NRG3: variants seen among roughly 807,000 people sequenced by gnomAD.
The protein encoded by NRG3 is neuregulin 3.
A neutral mutation model predicts 66.9 loss-of-function variants in NRG3; 31 were observed. The ratio of observed to expected loss-of-function variants is 0.46; its 90% CI spans 0.35 to 0.63. The LOEUF (loss-of-function observed/expected upper bound fraction) is 0.63, where lower values mean the gene tolerates loss of function less well. NRG3 is among the 20% of genes least tolerant of loss of function. The pLI is 0.00. For missense variants in NRG3, 910 were observed against 878.9 expected, an observed-to-expected ratio of 1.04 and a Z score of -0.45; for synonymous variants, 393 against 359.4, an observed-to-expected ratio of 1.09 and a Z score of -1.06.
chr10:82,723,307 C>T lies in NRG3; in HGVS notation c.954-15270C>T, dbSNP rs548973669. ...AAATGGCAACAATAGACACTGGGGACTACTGGAGAGGGGAAGGATGGAGAG... is the reference window on the plus strand; with the variant it reads ...AAATGGCAACAATAGACACTGGGGATTACTGGAGAGGGGAAGGATGGAGAG... On this transcript the variant is annotated intron_variant, in intron 2 of 8. Transcript: ENST00000372141. 3.3e-5 allele frequency among the ~76,000 whole-genome samples: 5 copies of T among 152,190 alleles called. No homozygotes were observed. The South Asian group carries it at 1.0e-3, about 32-fold the overall frequency.
intron 2 of NRG3, among the ~76,000 whole-genome samples, chr10:82,362,333 A>ATATGTGTG (rs776684951): frequency 1.5e-5 from 2 of 135,896 alleles, no homozygotes; most frequent in African/African-American, 5.4e-5. Flanking sequence ...GTATATATAT[A>ATATGTGTG]TGTGTGTGTG....
chr10:82,402,372 TA>T (rs1337233328), intron 2 of NRG3, among the ~76,000 whole-genome samples: 1 of 152,156 alleles, frequency 6.6e-6, no homozygotes, highest in East Asian at 1.9e-4. Context: ...GCCTAGTTAG[TA>T]ATCAGAAGGT....
chr10:82,854,861 T>A (rs986445014), intron 3 of NRG3, among the ~76,000 whole-genome samples: 5 of 152,154 alleles, frequency 3.3e-5, no homozygotes, highest in African/African-American at 1.2e-4. Context: ...ATCTTCTCTT[T>A]TCTTAAGTCA....
At chr10:81,895,498 G>A (rs1423794132) in intron 1 of NRG3, among the ~76,000 whole-genome samples, 1 of 152,118 alleles carries the variant, frequency 6.6e-6, no homozygotes, top group Non-Finnish European at 1.5e-5. Flanking sequence ...ATGTTATCTT[G>A]TTTTGTTTCT....
intron 4 of NRG3, among the ~76,000 whole-genome samples, chr10:82,930,698 G>A (rs17107795): frequency 1.3e-5 from 2 of 152,086 alleles, no homozygotes; most frequent in African/African-American, 4.8e-5. Flanking sequence ...CAGCAAAACT[G>A]CCAAGGTGCT....
Position 82,327,147 on chromosome 10 carries a change from A to G in NRG3, c.824-31592A>G, listed in dbSNP as rs372406426. On this transcript the variant is annotated intron_variant, in intron 1 of 8. Transcript: ENST00000372141. ...AACAAGAACAAGAACCAAGGAGAGT[A>G]TTTGATTATTTGGATCCTAGAATCT... 5.9e-5 allele frequency among the ~76,000 whole-genome samples: 9 copies of G among 152,302 alleles called. No individual in the cohort carries two copies. In the South Asian group the frequency reaches 1.0e-3, roughly 18 times the overall value.
rs369182304 is a variant in NRG3 at position 82,691,554 on chromosome 10, T to C, written c.954-47023T>C. Among the ~76,000 whole-genome samples, 73 of 152,322 alleles carry C rather than the reference T, an allele frequency of 4.8e-4. No individual in the cohort carries two copies. The South Asian group carries it at 0.012, about 25-fold the overall frequency. On this transcript the variant is annotated intron_variant, in intron 2 of 8. Transcript: ENST00000372141. ...AGGCCAAGTCTCATATTTTGAGATA[T>C]GAAGAGGACAGAAACATAAATAGAC...
intron 2 of NRG3, among the ~76,000 whole-genome samples, chr10:82,486,334 T>G (rs1842674226): frequency 6.6e-6 from 1 of 152,222 alleles, no homozygotes; most frequent in African/African-American, 2.4e-5. Context: ...TGAAGCATTA[T>G]TCATAGTAGT....
At chr10:82,702,219 C>T (rs2055936379) in intron 2 of NRG3, among the ~76,000 whole-genome samples, 1 of 152,290 alleles carries the variant, frequency 6.6e-6, no homozygotes, top group South Asian at 2.1e-4. Flanking sequence ...TCTCTTGTCA[C>T]ACACTGACTA....
intron 1 of NRG3, among the ~76,000 whole-genome samples, chr10:82,274,646 T>A (rs948365048): frequency 5.9e-5 from 9 of 152,040 alleles, no homozygotes; most frequent in African/African-American, 2.2e-4. Flanking sequence ...TTGAACACTT[T>A]ATTTTAAAGC....
intron 2 of NRG3, among the ~76,000 whole-genome samples, chr10:82,525,174 G>C (rs566304798): frequency 1.8e-4 from 28 of 151,804 alleles, no homozygotes; most frequent in Middle Eastern, 3.4e-3. Flanking sequence ...AGTTTGTAAG[G>C]AATTATCATT....
rs537364881 is a variant in NRG3, at chr10:82,516,830, A to G, written c.953+157962A>G. Reference sequence around the variant, plus strand: ...CTTTTACAAGGGTGACCAAGAGGCCAGTGTTACTGGAAAGGAAAAATATAT... The same window carrying G: ...CTTTTACAAGGGTGACCAAGAGGCCGGTGTTACTGGAAAGGAAAAATATAT... On this transcript the variant is annotated intron_variant, in intron 2 of 8. Coordinates refer to ENST00000372141, the MANE Select transcript of NRG3 (RefSeq NM_001010848.4). Among the ~76,000 whole-genome samples the G allele has an allele frequency of 1.2e-4, 18 of 152,278 alleles. No homozygotes were observed. In the South Asian group the frequency reaches 3.3e-3, roughly 28 times the overall value.
intron 2 of NRG3, among the ~76,000 whole-genome samples, chr10:82,709,991 A>T (rs568673119): frequency 6.6e-6 from 1 of 152,346 alleles, no homozygotes; most frequent in East Asian, 1.9e-4. Flanking sequence ...TTGGCCAAGA[A>T]GTAAATAGTC....
At chr10:82,735,984 A>G (rs891023429) in intron 2 of NRG3, among the ~76,000 whole-genome samples, 2 of 152,212 alleles carry the variant, frequency 1.3e-5, no homozygotes, top group Non-Finnish European at 2.9e-5. Flanking sequence ...TTTAAAACAT[A>G]TATTCCCCAT....
At chr10:82,778,023 G>A (rs1031641013) in intron 3 of NRG3, among the ~76,000 whole-genome samples, 2 of 151,156 alleles carry the variant, frequency 1.3e-5, no homozygotes, top group African/African-American at 4.8e-5. Flanking sequence ...GCTCAGCCAA[G>A]GCTCTTTTTC....
chr10:81,989,770 C>G (rs2060665248), intron 1 of NRG3, among the ~76,000 whole-genome samples: 1 of 151,982 alleles, frequency 6.6e-6, no homozygotes, highest in African/African-American at 2.4e-5. Flanking sequence ...GAAGTGAGAA[C>G]TTTTTCTTTT....
At chr10:82,876,467 A>C (rs1290733168) in intron 4 of NRG3, among the ~76,000 whole-genome samples, 1 of 151,924 alleles carries the variant, frequency 6.6e-6, no homozygotes, top group Non-Finnish European at 1.5e-5. Flanking sequence ...GTATAGCTTG[A>C]ACATTTACCA....
At chr10:82,681,256 T>G (rs1255039456) in intron 2 of NRG3, among the ~76,000 whole-genome samples, 2 of 152,188 alleles carry the variant, frequency 1.3e-5, no homozygotes, top group African/African-American at 4.8e-5. Flanking sequence ...AACAATTGAC[T>G]GATTCTGTAC....
At chr10:81,950,699 A>G (rs537490499) in intron 1 of NRG3, among the ~76,000 whole-genome samples, 134 of 152,294 alleles carry the variant, frequency 8.8e-4, no homozygotes, top group Admixed American at 9.8e-4. Flanking sequence ...GAAGTATTTC[A>G]TTGTATTACT....
Sources: allele counts gnomAD v4.1 joint callset (sites outside exome capture counted in the v4.1 genomes callset), GRCh38; gene constraint gnomAD v4.1.1; transcripts MANE v1.5; gene names NCBI Gene and HGNC (gene_info 2026-07-23, HGNC 2026-07-21).